The following PPARGC1A variants were observed in gnomAD, a reference collection of about 807,000 sequenced individuals.
PPARGC1A encodes PPARG coactivator 1 alpha, also known as peroxisome proliferator-activated receptor gamma coactivator 1-alpha.
Under a neutral mutation model 88.7 loss-of-function variants are expected in PPARGC1A, and 25 were observed. The ratio of observed to expected loss-of-function variants is 0.28; its 90% CI spans 0.21 to 0.39. The LOEUF is 0.39. PPARGC1A is among the 10% of genes least tolerant of loss of function. PPARGC1A has a pLI of 1.00. For synonymous variants in PPARGC1A, 363 were observed against 355.6 expected, an observed-to-expected ratio of 1.02 and a Z score of -0.24; for missense variants, 880 against 968.7, an observed-to-expected ratio of 0.91 and a Z score of 1.22.
At chr4:23,981,288 G>A in the PPARGC1A span, among the ~76,000 whole-genome samples, 64 of 152,092 alleles carry the variant, frequency 4.2e-4, no homozygotes, top group African/African-American at 1.3e-3. Context: ...CATGAGAGCA[G>A]AAATCTCAAA....
At chr4:24,267,739 G>A in the PPARGC1A span, among the ~76,000 whole-genome samples, 1 of 152,106 alleles carries the variant, frequency 6.6e-6, no homozygotes, top group African/African-American at 2.4e-5. Flanking sequence ...AATGAAAACA[G>A]GGCATCATAA....
chr4:24,414,135 TG>T, the PPARGC1A span, among the ~76,000 whole-genome samples: 52 of 152,312 alleles, frequency 3.4e-4, no homozygotes, highest in Non-Finnish European at 5.7e-4. Flanking sequence ...GGATCCAAAC[TG>T]GGTTCCTTCT....
At chr4:23,888,812 G>T in intron 1 of PPARGC1A, 1 of 386,388 alleles carries the variant, frequency 2.6e-6, no homozygotes, top group Non-Finnish European at 3.5e-6. Flanking sequence ...ATCAAATCAC[G>T]TGTGGGCTTG....
chr4:24,450,514 T>A, the PPARGC1A span, among the ~76,000 whole-genome samples: 1 of 152,206 alleles, frequency 6.6e-6, no homozygotes, highest in South Asian at 2.1e-4. Context: ...GTCAAAACTT[T>A]AAAGCAATAT....
intron 12 of PPARGC1A, among the ~76,000 whole-genome samples, chr4:23,800,967 CT>C (rs72052228): frequency 0.011 from 1,388 of 121,964 alleles, 13 homozygotes; most frequent in East Asian, 0.067. Flanking sequence ...GTGTTTCTTT[CT>C]TTTTTTTTTT....
At chr4:23,977,565 C>A in the PPARGC1A span, among the ~76,000 whole-genome samples, 1 of 152,088 alleles carries the variant, frequency 6.6e-6, no homozygotes, top group Admixed American at 6.5e-5. Context: ...TGATAAATAA[C>A]TAATGTATGT....
At chr4:24,413,381 G>A in the PPARGC1A span, among the ~76,000 whole-genome samples, 2 of 152,094 alleles carry the variant, frequency 1.3e-5, no homozygotes, top group Middle Eastern at 3.2e-3. Context: ...GCAAGCCCCA[G>A]GGAAGAAAGT....
At chr4:24,337,628 C>A in the PPARGC1A span, among the ~76,000 whole-genome samples, 1 of 149,686 alleles carries the variant, frequency 6.7e-6, no homozygotes, top group African/African-American at 2.5e-5. Context: ...TCTGTACTTA[C>A]AAGCATTGCC....
At chr4:24,426,887 A>C in the PPARGC1A span, among the ~76,000 whole-genome samples, 1 of 152,246 alleles carries the variant, frequency 6.6e-6, no homozygotes, top group Non-Finnish European at 1.5e-5. Flanking sequence ...AGCGGGCTCC[A>C]GTAAGGCAGG....
chr4:23,996,349 C>T, the PPARGC1A span, among the ~76,000 whole-genome samples: 145 of 152,248 alleles, frequency 9.5e-4, 2 homozygotes, highest in South Asian at 0.024. Flanking sequence ...CACAATATAG[C>T]GGCTTCTGCA....
the PPARGC1A span, among the ~76,000 whole-genome samples, chr4:24,311,436 C>G: frequency 1.4e-5 from 2 of 145,900 alleles, no homozygotes; most frequent in Non-Finnish European, 3.0e-5. Context: ...GAGATCGAGA[C>G]CATCCTGGCT....
chr4:24,433,461 C>G, the PPARGC1A span, among the ~76,000 whole-genome samples: 1 of 152,140 alleles, frequency 6.6e-6, no homozygotes, highest in African/African-American at 2.4e-5. Flanking sequence ...GTTTCATAAA[C>G]TAGGAAAATC....
At chr4:24,056,620 A>C in the PPARGC1A span, among the ~76,000 whole-genome samples, 1 of 152,198 alleles carries the variant, frequency 6.6e-6, no homozygotes, top group Non-Finnish European at 1.5e-5. Flanking sequence ...GATAGACTTG[A>C]ATAAAACCAG....
chr4:24,112,872 T>A, the PPARGC1A span, among the ~76,000 whole-genome samples: 1 of 152,164 alleles, frequency 6.6e-6, no homozygotes, highest in Non-Finnish European at 1.5e-5. Flanking sequence ...GAGACCACGC[T>A]ATGGCTAGAT....
intron 2 of PPARGC1A, chr4:23,881,455 A>T (rs1303559921): frequency 2.6e-5 from 4 of 152,298 alleles, no homozygotes; most frequent in African/African-American, 9.6e-5. Context: ...ATTCAGCTTC[A>T]TTTTTTATCA....
At chr4:23,907,433 C>A (rs1720179295), upstream of PPARGC1A, among the ~76,000 whole-genome samples, 1 of 152,144 alleles carries the variant, frequency 6.6e-6, no homozygotes, top group South Asian at 2.1e-4. Context: ...GACCTCAAAG[C>A]AGAATTAGAA....
At chr4:24,141,900 A>T in the PPARGC1A span, among the ~76,000 whole-genome samples, 1 of 152,190 alleles carries the variant, frequency 6.6e-6, no homozygotes. Flanking sequence ...CAGGAAAAGG[A>T]GCCACGTTTC....
the PPARGC1A span, among the ~76,000 whole-genome samples, chr4:24,001,718 C>T: frequency 2.0e-5 from 3 of 152,040 alleles, no homozygotes; most frequent in East Asian, 1.9e-4. Context: ...CTGGTAATTA[C>T]GGTAATCTCC....
In PPARGC1A at chr4:23,889,772, C is replaced by A. The variant is rs535951249; in HGVS notation, c.54+132G>T. On this transcript the variant is annotated intron_variant, in intron 1 of 12. Transcript: ENST00000264867. ...TTGGAGTTAAGATAAGATTGAGATT[C>A]TTCTAAAAGCTCCTGCCTGGACTAC... 65 of 1,068,698 alleles carry A rather than the reference C, an allele frequency of 6.1e-5. No individual in the cohort carries two copies. In the African/African-American group the frequency reaches 8.7e-4, roughly 14 times the overall value. The allele number at this position is 1,068,698 out of a possible 1,614,324, so 66.2% of individuals were successfully genotyped here.
Sources: allele counts gnomAD v4.1 joint callset (sites outside exome capture counted in the v4.1 genomes callset), GRCh38; gene constraint gnomAD v4.1.1; transcripts MANE v1.5; gene names NCBI Gene and HGNC (gene_info 2026-07-23, HGNC 2026-07-21).